Variants in ERC2 observed in about 807,000 individuals in gnomAD.
The protein encoded by ERC2 is ERC protein 2.
Under a neutral mutation model 114.8 loss-of-function variants are expected in ERC2, and 42 were observed. The observed-to-expected ratio is 0.37, with a 90% CI of 0.29 to 0.47. The LOEUF (loss-of-function observed/expected upper bound fraction) is 0.47. Ranked by LOEUF, ERC2 falls within the 20% of genes least tolerant of loss-of-function variation. The pLI is 0.99. For missense variants in ERC2, 939 were observed against 1,150.7 expected (o/e 0.82, Z 2.66); for synonymous variants, 454 against 425.5 (o/e 1.07, Z -0.82).
intron 2 of ERC2, among the ~76,000 whole-genome samples, chr3:56,329,951 T>C (rs879485474): frequency 5.3e-5 from 8 of 151,428 alleles, no homozygotes; most frequent in Non-Finnish European, 1.2e-4. Flanking sequence ...AATATACATA[T>C]ATATTTCCAA....
In ERC2 at chr3:56,186,114, TAAAAAAAAAAA is replaced by T. The variant is rs201544979; in HGVS notation, c.1075-12605_1075-12595del. On this transcript the variant is annotated intron_variant, in intron 3 of 17. Transcript: ENST00000288221. ...GAAAGCATATACATCTCAAGAACCT[TAAAAAAAAAAA>T]AAAAAAAAAAAAAAAAAAAGAGCAC... 5.8e-3 allele frequency among the ~76,000 whole-genome samples: 590 copies of T among 102,544 alleles called. 9 individuals are homozygous for T. The highest frequency in any genetic ancestry group is 0.02 in the Middle Eastern group (3 of 148). The allele number at this position is 102,544 out of a possible 152,430, so 67.3% of individuals were successfully genotyped here.
chr3:55,851,661 T>C (rs375937191), intron 14 of ERC2, among the ~76,000 whole-genome samples: 1 of 152,080 alleles, frequency 6.6e-6, no homozygotes, highest in Non-Finnish European at 1.5e-5. Context: ...TTATTATAAA[T>C]ACATATTTTT....
chr3:55,766,771 C>T (rs1401522039), intron 14 of ERC2: 1 of 152,210 alleles, frequency 6.6e-6, no homozygotes, highest in Non-Finnish European at 1.5e-5. Context: ...AGCTCTAGGA[C>T]TATAACCCAG....
At chr3:56,367,719 C>T (rs1025848978) in intron 2 of ERC2, among the ~76,000 whole-genome samples, 2 of 151,884 alleles carry the variant, frequency 1.3e-5, no homozygotes, top group Admixed American at 6.6e-5. Flanking sequence ...GGTTACCAAA[C>T]TTTATCAAGC....
chr3:56,068,908 T>C (rs2076601525), intron 7 of ERC2, among the ~76,000 whole-genome samples: 1 of 152,162 alleles, frequency 6.6e-6, no homozygotes, highest in African/African-American at 2.4e-5. Flanking sequence ...TCTGAGAGAC[T>C]GTTATGATTT....
At chr3:55,943,481 C>G (rs6768055) in intron 13 of ERC2, among the ~76,000 whole-genome samples, 135,126 of 151,914 alleles carry the variant, frequency 0.89, 60,202 homozygotes, top group East Asian at 1. Context: ...GTGTACGAAA[C>G]CTGAGGCTTG....
intron 1 of ERC2, among the ~76,000 whole-genome samples, chr3:56,437,034 T>TTA (rs1328836681): frequency 1.3e-5 from 2 of 152,244 alleles, no homozygotes; most frequent in Non-Finnish European, 2.9e-5. Flanking sequence ...ACTCCTTTTT[T>TTA]TATATATGTC....
chr3:55,883,667 A>G (rs970112313), intron 14 of ERC2, among the ~76,000 whole-genome samples: 8 of 152,082 alleles, frequency 5.3e-5, no homozygotes, highest in African/African-American at 1.9e-4. Flanking sequence ...AGGCGGGTGG[A>G]TCACGAGGTC....
At chr3:55,763,068 G>A (rs1384862318) in intron 14 of ERC2, among the ~76,000 whole-genome samples, 1 of 152,138 alleles carries the variant, frequency 6.6e-6, no homozygotes, top group Admixed American at 6.5e-5. Context: ...GCATTATTGG[G>A]GACTTGAGGA....
intron 17 of ERC2, among the ~76,000 whole-genome samples, chr3:55,664,261 T>C (rs2061264175): frequency 6.6e-6 from 1 of 152,146 alleles, no homozygotes; most frequent in South Asian, 2.1e-4. Flanking sequence ...AACAAGTTTA[T>C]AGGTGGTTGC....
intron 15 of ERC2, among the ~76,000 whole-genome samples, chr3:55,716,266 C>T (rs2064116887): frequency 6.6e-6 from 1 of 152,192 alleles, no homozygotes; most frequent in South Asian, 2.1e-4. Context: ...AGAAACTCTC[C>T]CAAAGATTGT....
intron 14 of ERC2, among the ~76,000 whole-genome samples, chr3:55,799,576 G>A (rs1377885858): frequency 3.3e-5 from 5 of 151,154 alleles, no homozygotes; most frequent in Non-Finnish European, 7.4e-5. Context: ...AGAAGTTCTG[G>A]TTTAGTAACA....
chr3:56,268,218 C>G (rs1307058928), intron 3 of ERC2, among the ~76,000 whole-genome samples: 1 of 152,274 alleles, frequency 6.6e-6, no homozygotes, highest in East Asian at 1.9e-4. Flanking sequence ...CTACAATATT[C>G]AGTCCAGTAA....
At chr3:56,117,022 G>A (rs951290203) in intron 6 of ERC2, among the ~76,000 whole-genome samples, 2 of 152,204 alleles carry the variant, frequency 1.3e-5, no homozygotes, top group African/African-American at 4.8e-5. Context: ...CAGTTGAGAA[G>A]GTTTTGGAAG....
intron 14 of ERC2, among the ~76,000 whole-genome samples, chr3:55,868,485 A>G (rs1479248271): frequency 1.3e-5 from 2 of 152,220 alleles, no homozygotes; most frequent in Non-Finnish European, 2.9e-5. Context: ...GACAGCTCAC[A>G]AGAAAAAGAA....
At chr3:55,549,311 G>A (rs1278821957) in intron 17 of ERC2, among the ~76,000 whole-genome samples, 2 of 151,878 alleles carry the variant, frequency 1.3e-5, no homozygotes, top group African/African-American at 4.8e-5. Flanking sequence ...ATGAAGGGTA[G>A]AATACCATGT....
At chr3:55,666,743 C>G (rs1451721872) in intron 17 of ERC2, among the ~76,000 whole-genome samples, 1 of 152,036 alleles carries the variant, frequency 6.6e-6, no homozygotes, top group African/African-American at 2.4e-5. Flanking sequence ...GTATCCAGCC[C>G]TAGATTCAAT....
In ERC2 at chr3:55,731,050, T is replaced by C. The variant is rs144579707; in HGVS notation, c.2712+3721A>G. On this transcript the variant is annotated intron_variant, in intron 15 of 17. Transcript: ENST00000288221. ...CTCACCCTTCCAGGACTGCCCTCCT[T>C]CACTGATATCTATGTGTGCTGCATA... 7.6e-3 allele frequency among the ~76,000 whole-genome samples: 1,156 copies of C among 152,290 alleles called. 14 individuals carry two copies. Among genetic ancestry groups the C allele is most frequent in the African/African-American group, 0.026 (1,081 of 41,572 alleles).
chr3:56,430,076 C>A (rs1218901585), intron 2 of ERC2, among the ~76,000 whole-genome samples: 1 of 152,196 alleles, frequency 6.6e-6, no homozygotes, highest in African/African-American at 2.4e-5. Context: ...TACCTCTACC[C>A]TGTAATGGAC....
Sources: allele counts gnomAD v4.1 joint callset (sites outside exome capture counted in the v4.1 genomes callset), GRCh38; gene constraint gnomAD v4.1.1; transcripts MANE v1.5; gene names NCBI Gene and HGNC (gene_info 2026-07-23, HGNC 2026-07-21).